The following MSH3 variants were observed in gnomAD, a reference collection of about 807,000 sequenced individuals.
MSH3 encodes the protein DNA mismatch repair protein Msh3.
A neutral mutation model predicts 123.3 loss-of-function variants in MSH3; 106 were observed. The ratio of observed to expected loss-of-function variants is 0.86; its 90% CI spans 0.73 to 1.01. The LOEUF is 1.01. Ranked by LOEUF, MSH3 falls within the 50% of genes least tolerant of loss-of-function variation. The pLI, the probability that MSH3 is intolerant of heterozygous loss-of-function variation, is 0.00. For missense variants in MSH3, 1,459 were observed against 1,347.6 expected (o/e 1.08, Z -1.29); for synonymous variants, 515 against 481.4 (o/e 1.07, Z -0.91).
intron 8 of MSH3, among the ~76,000 whole-genome samples, chr5:80,700,960 G>A (rs926458663): frequency 1.3e-5 from 2 of 152,136 alleles, no homozygotes; most frequent in African/African-American, 4.8e-5. Context: ...TTACTAATTC[G>A]ACTTGATTTT....
Position 80,654,883 on chromosome 5 carries a change from AGCGGCTGCAGCGGCCGC to A in MSH3, c.157_173del (p.Ala53SerfsTer26), listed in dbSNP as rs769744913. ...CCGACCAGGTGGACCCTGGCGCTGC[AGCGGCTGCAGCGGCCGC>A]AGCGGCCGCAGCGCCCCCAGCGCCC... On this transcript the variant is annotated frameshift_variant, in exon 1 of 24. Coordinates refer to ENST00000265081, the MANE Select transcript of MSH3 (RefSeq NM_002439.5). LOFTEE classifies it high-confidence loss of function. 2 of 852,932 alleles carry A rather than the reference AGCGGCTGCAGCGGCCGC, an allele frequency of 2.3e-6. No homozygotes were observed. Among genetic ancestry groups the A allele is most frequent in the South Asian group, 5.0e-5 (2 of 39,660 alleles). The allele number at this position is 852,932 out of a possible 1,614,324, so 52.8% of individuals were successfully genotyped here. A position where few individuals can be genotyped will look rare whatever the true frequency, so the allele number is the denominator to read the frequency against.
At chr5:80,714,484 G>A (rs967012282) in intron 8 of MSH3, among the ~76,000 whole-genome samples, 3 of 151,980 alleles carry the variant, frequency 2.0e-5, no homozygotes, top group Non-Finnish European at 2.9e-5. Context: ...TTATCATAAC[G>A]TTCTTTAATT....
intron 19 of MSH3, among the ~76,000 whole-genome samples, chr5:80,810,793 G>A (rs1744996707): frequency 6.6e-6 from 1 of 152,030 alleles, no homozygotes; most frequent in Non-Finnish European, 1.5e-5. Flanking sequence ...GTAGTTTTCT[G>A]TGTAGAGACT....
At chr5:80,681,681 T>C (rs1232242731) in intron 8 of MSH3, among the ~76,000 whole-genome samples, 1 of 142,152 alleles carries the variant, frequency 7.0e-6, no homozygotes, top group Admixed American at 7.0e-5. Flanking sequence ...TTAGATTGAG[T>C]AAAGTCAATC....
chr5:80,793,510 A>T lies in MSH3; in HGVS notation c.2655+666A>T, dbSNP rs551087832. ...TGGGGATAGGTAGCAGGTTGGCCTA[A>T]CCCAAGGGCAGGGAAGCATTGAGGA... is the stretch of plus-strand genomic sequence containing the variant. On this transcript the variant is annotated intron_variant, in intron 19 of 23. Transcript: ENST00000265081. 9.8e-5 allele frequency among the ~76,000 whole-genome samples: 15 copies of T among 152,306 alleles called. No individual in the cohort carries two copies. In the South Asian group the frequency reaches 2.7e-3, roughly 27 times the overall value.
chr5:80,714,679 TC>T (rs942533444), intron 8 of MSH3, among the ~76,000 whole-genome samples: 2 of 152,196 alleles, frequency 1.3e-5, no homozygotes, highest in African/African-American at 2.4e-5. Flanking sequence ...GGTTTCTAAA[TC>T]CTTATCTGCT....
intron 19 of MSH3, 27 bp downstream of exon 19, chr5:80,792,871 T>C: frequency 1.4e-6 from 2 of 1,424,052 alleles, no homozygotes; most frequent in Non-Finnish European, 2.0e-6. Flanking sequence ...AAAAAATAAG[T>C]CGATGATAAC....
chr5:80,745,956 T>C (rs1444613079), intron 12 of MSH3, among the ~76,000 whole-genome samples: 2 of 152,200 alleles, frequency 1.3e-5, no homozygotes, highest in African/African-American at 4.8e-5. Context: ...GGTTTTGCTG[T>C]TGTTTTCTTC....
intron 19 of MSH3, among the ~76,000 whole-genome samples, chr5:80,808,951 G>A (rs1324830113): frequency 6.9e-6 from 1 of 144,002 alleles, no homozygotes; most frequent in African/African-American, 2.5e-5. Context: ...TACTCATCAA[G>A]GCCTTCAAAT....
At chr5:80,710,049 C>T (rs11954068) in intron 8 of MSH3, among the ~76,000 whole-genome samples, 267 of 152,336 alleles carry the variant, frequency 1.8e-3, no homozygotes, top group African/African-American at 6.0e-3. Flanking sequence ...CCTTTGAGCA[C>T]ATGACTACTG....
intron 7 of MSH3, among the ~76,000 whole-genome samples, chr5:80,677,963 G>A (rs559627774): frequency 1.1e-4 from 16 of 152,142 alleles, no homozygotes; most frequent in South Asian, 4.1e-4. Flanking sequence ...GTCTTGTATC[G>A]TATACAAATG....
At chr5:80,790,167 T>A (rs892815554) in intron 18 of MSH3, among the ~76,000 whole-genome samples, 3 of 152,174 alleles carry the variant, frequency 2.0e-5, no homozygotes, top group African/African-American at 4.8e-5. Flanking sequence ...CACGTGGAGA[T>A]GTGTATAGGA....
At chr5:80,778,632 ATAAT>A in intron 16 of MSH3, 84 bp from the exon 17 acceptor site, 2 of 797,676 alleles carry the variant, frequency 2.5e-6, no homozygotes, top group Non-Finnish European at 4.5e-6. Context: ...TCATCAGAGA[ATAAT>A]AAATAACTAA....
At chr5:80,699,802 T>C (rs1235741984) in intron 8 of MSH3, among the ~76,000 whole-genome samples, 2 of 152,174 alleles carry the variant, frequency 1.3e-5, no homozygotes, top group African/African-American at 4.8e-5. Flanking sequence ...TCCATAGATA[T>C]TCCTTTACAG....
chr5:80,762,825 G>C, intron 13 of MSH3, among the ~76,000 whole-genome samples: 1 of 140,510 alleles, frequency 7.1e-6, no homozygotes, highest in African/African-American at 2.7e-5. Context: ...GTTATGTTAT[G>C]TTATGTTATT....
At chr5:80,712,575 A>G (rs922826877) in intron 8 of MSH3, among the ~76,000 whole-genome samples, 2 of 152,022 alleles carry the variant, frequency 1.3e-5, no homozygotes, top group African/African-American at 4.8e-5. Flanking sequence ...TTGCACTCCT[A>G]TTTGTAGCAT....
At chr5:80,692,929 TTAGA>T (rs1260371400) in intron 8 of MSH3, among the ~76,000 whole-genome samples, 1 of 58,852 alleles carries the variant, frequency 1.7e-5, no homozygotes, top group Non-Finnish European at 3.2e-5. Context: ...ATGTATATGT[TTAGA>T]TAAATATACA....
At position 80,864,899 on chromosome 5, in the gene MSH3, C is replaced by T. The variant is rs765696344; in HGVS notation, c.3087C>T (p.His1029=). 1.9e-6 allele frequency: 3 copies of T among 1,613,812 alleles called. No homozygotes were observed. In the South Asian group the frequency reaches 3.3e-5, roughly 18 times the overall value. Residue 1029 remains histidine, a synonymous_variant, in exon 22 of 24, where the codon CAC becomes CAT. Coordinates refer to ENST00000265081, the MANE Select transcript of MSH3 (RefSeq NM_002439.5). ...ACTCACACCAGGTGGGGAATTACCA[C>T]ATGGGATTCTTGGTCAGTGAGGATG... ...KNYSHQVGNY[H]MGFLVSEDES...
chr5:80,709,833 G>A (rs766220854), intron 8 of MSH3, among the ~76,000 whole-genome samples: 3 of 152,156 alleles, frequency 2.0e-5, no homozygotes, highest in Non-Finnish European at 4.4e-5. Context: ...GGTAGATGAG[G>A]TGGTATTTTG....
Sources: gnomAD v4.1 joint callset for allele counts (sites outside exome capture counted in the v4.1 genomes callset) on GRCh38, gnomAD v4.1.1 for gene constraint, MANE v1.5 for transcripts, NCBI Gene and HGNC (gene_info 2026-07-23, HGNC 2026-07-21) for gene names.